The following EIF4E3 variants were observed in gnomAD, a reference collection of about 807,000 sequenced individuals.
EIF4E3 encodes eukaryotic translation initiation factor 4E type 3.
A neutral mutation model predicts 31.7 loss-of-function variants in EIF4E3; 26 were observed. The ratio of observed to expected loss-of-function variants is 0.82; its 90% confidence interval spans 0.60 to 1.14. EIF4E3 has a LOEUF of 1.14. EIF4E3 is among the 50% of genes most tolerant of loss of function. The pLI, the probability that EIF4E3 is intolerant of heterozygous loss-of-function variation, is 0.00. For missense variants in EIF4E3, 304 were observed against 270.9 expected (o/e 1.12, Z -0.86); for synonymous variants, 128 against 107.7 (o/e 1.19, Z -1.17).
intron 6 of EIF4E3, among the ~76,000 whole-genome samples, chr3:71,687,533 AAC>A (rs1433823590): frequency 6.6e-6 from 1 of 152,222 alleles, no homozygotes; most frequent in East Asian, 1.9e-4. Flanking sequence ...CGGAGAGGGT[AAC>A]ACAGAGGGCA....
intron 1 of EIF4E3, among the ~76,000 whole-genome samples, chr3:71,714,168 C>T (rs1414478214): frequency 6.6e-5 from 10 of 150,856 alleles, no homozygotes; most frequent in Admixed American, 3.3e-4. Flanking sequence ...GCCGAGATTG[C>T]GCCACTGCAC....
At chr3:71,754,482 T>C, upstream of EIF4E3, 1 of 1,304,006 alleles carries the variant, frequency 7.7e-7, no homozygotes, top group Non-Finnish European at 9.8e-7. The surrounding 1 kb of genome is among the most constrained non-coding windows in gnomAD (Gnocchi z 5.8). Context: ...CATGCTGGTG[T>C]GCGCCGCCTG....
intron 1 of EIF4E3, among the ~76,000 whole-genome samples, chr3:71,713,189 C>G (rs1419598650): frequency 6.6e-6 from 1 of 152,192 alleles, no homozygotes; most frequent in Non-Finnish European, 1.5e-5. Context: ...ATTTATGCAG[C>G]TGTCAATATT....
chr3:71,706,717 G>A (rs978053757), intron 2 of EIF4E3, among the ~76,000 whole-genome samples: 2 of 152,166 alleles, frequency 1.3e-5, no homozygotes, highest in Non-Finnish European at 2.9e-5. Flanking sequence ...ATACTTGGGA[G>A]GAGGCTGGGG....
chr3:71,702,217 C>T (rs2049227170), intron 2 of EIF4E3, among the ~76,000 whole-genome samples: 1 of 152,202 alleles, frequency 6.6e-6, no homozygotes, highest in Non-Finnish European at 1.5e-5. Flanking sequence ...CCATAATTCA[C>T]AAGAGGCTGG....
intron 1 of EIF4E3, among the ~76,000 whole-genome samples, chr3:71,742,555 T>C (rs948037399): frequency 6.6e-6 from 1 of 151,778 alleles, no homozygotes; most frequent in Non-Finnish European, 1.5e-5. Context: ...CTACCAAACA[T>C]TAAAGAAAAA....
chr3:71,660,807 G>A, the EIF4E3 span, among the ~76,000 whole-genome samples: 8 of 152,194 alleles, frequency 5.3e-5, no homozygotes, highest in African/African-American at 1.9e-4. Context: ...TTTGGAAAGA[G>A]CTGTGTGAGC....
intron 1 of EIF4E3, among the ~76,000 whole-genome samples, chr3:71,738,977 A>AGT (rs1343973345): frequency 3.2e-5 from 2 of 63,162 alleles, no homozygotes; most frequent in African/African-American, 1.9e-4. Flanking sequence ...AAAATTGAAC[A>AGT]GTATATATAT....
intron 6 of EIF4E3, among the ~76,000 whole-genome samples, chr3:71,688,734 T>C (rs1559589225): frequency 2.0e-5 from 3 of 151,970 alleles, no homozygotes; most frequent in Non-Finnish European, 4.4e-5. Flanking sequence ...GGGGTGAAAA[T>C]ACAATTAAAG....
At chr3:71,728,444 A>C, upstream of EIF4E3, 1 of 152,680 alleles carries the variant, frequency 6.5e-6, no homozygotes, top group East Asian at 1.9e-4. Context: ...ACAAATGAGG[A>C]AACTGAGGCC....
chr3:71,730,103 T>G (rs985313145), upstream of EIF4E3, among the ~76,000 whole-genome samples: 1 of 152,164 alleles, frequency 6.6e-6, no homozygotes, highest in Non-Finnish European at 1.5e-5. Flanking sequence ...TCACTGAAGC[T>G]TCCAGCAAAG....
At chr3:71,660,569 A>C in the EIF4E3 span, among the ~76,000 whole-genome samples, 17 of 152,252 alleles carry the variant, frequency 1.1e-4, no homozygotes, top group South Asian at 3.1e-3. Context: ...GCCTAGAATA[A>C]ACTCACCTAA....
intron 1 of EIF4E3, among the ~76,000 whole-genome samples, chr3:71,741,772 T>C (rs1012485959): frequency 1.3e-5 from 2 of 152,248 alleles, no homozygotes; most frequent in South Asian, 4.1e-4. Context: ...TTCTGGGTCA[T>C]AAAAGTCTTG....
At chr3:71,692,964 T>C (rs963708526) in intron 5 of EIF4E3, among the ~76,000 whole-genome samples, 2 of 152,212 alleles carry the variant, frequency 1.3e-5, no homozygotes, top group African/African-American at 4.8e-5. Context: ...TGATTGGAAC[T>C]GCTCACGAGA....
At chr3:71,684,801 T>G in intron 6 of EIF4E3, 73 bp from the exon 7 acceptor site, 1 of 1,486,712 alleles carries the variant, frequency 6.7e-7, no homozygotes, top group Non-Finnish European at 9.2e-7. Context: ...CCAACCCTCC[T>G]CTAGGCATCT....
intron 1 of EIF4E3, among the ~76,000 whole-genome samples, chr3:71,737,491 A>C (rs2049775094): frequency 6.6e-6 from 1 of 152,198 alleles, no homozygotes; most frequent in Non-Finnish European, 1.5e-5. Context: ...GTGACTGCTT[A>C]AGAGGAATAA....
chr3:71,663,597 G>T, the EIF4E3 span, among the ~76,000 whole-genome samples: 1 of 152,158 alleles, frequency 6.6e-6, no homozygotes, highest in Non-Finnish European at 1.5e-5. Context: ...GCTTTACAAG[G>T]CAGTGGCCTA....
chr3:71,718,848 C>CA (rs968944512), intron 1 of EIF4E3, among the ~76,000 whole-genome samples: 3 of 152,210 alleles, frequency 2.0e-5, no homozygotes, highest in African/African-American at 4.8e-5. Flanking sequence ...TTACCCCTCA[C>CA]AAAAAATAAA....
At chr3:71,659,700 A>C in the EIF4E3 span, among the ~76,000 whole-genome samples, 1 of 152,246 alleles carries the variant, frequency 6.6e-6, no homozygotes, top group Non-Finnish European at 1.5e-5. Context: ...CCAATTAGAA[A>C]TGTAATTCTC....
Sources: gnomAD v4.1 joint callset for allele counts (sites outside exome capture counted in the v4.1 genomes callset) on GRCh38, gnomAD v4.1.1 for gene constraint, Gnocchi (gnomAD v3.1) non-coding constraint, MANE v1.5 for transcripts, NCBI Gene and HGNC (gene_info 2026-07-23, HGNC 2026-07-21) for gene names.